TTC3: variants seen among roughly 807,000 people sequenced by gnomAD.
TTC3 encodes tetratricopeptide repeat domain 3, also known as E3 ubiquitin-protein ligase TTC3.
A neutral mutation model predicts 249.6 loss-of-function variants in TTC3; 180 were observed. That is an observed-to-expected ratio of 0.72 (90% CI 0.64 to 0.82). The LOEUF (loss-of-function observed/expected upper bound fraction) is 0.82. Ranked by LOEUF, TTC3 falls within the 40% of genes least tolerant of loss-of-function variation. The pLI is 0.00. For synonymous variants in TTC3, 717 were observed against 805.0 expected, an observed-to-expected ratio of 0.89 and a Z score of 1.85; for missense variants, 2,061 against 2,398.4, an observed-to-expected ratio of 0.86 and a Z score of 2.94.
intron 17 of TTC3, among the ~76,000 whole-genome samples, chr21:37,134,625 T>C (rs112244963): frequency 0.01 from 1,561 of 152,158 alleles, 15 homozygotes; most frequent in East Asian, 0.03. Context: ...TAGCAAGGAG[T>C]GAGGAGATTT....
At chr21:37,141,748 G>A (rs986456971) in intron 20 of TTC3, among the ~76,000 whole-genome samples, 4 of 152,036 alleles carry the variant, frequency 2.6e-5, no homozygotes, top group Non-Finnish European at 5.9e-5. Flanking sequence ...CAGCCTGGGC[G>A]ACAGAGTGAG....
Position 37,156,843 on chromosome 21 carries a change from G to T in TTC3, c.2929G>T (p.Glu977Ter), listed in dbSNP as rs1158515529. 1 of 1,613,930 alleles carries T rather than the reference G, an allele frequency of 6.2e-7. No homozygotes were observed. The highest frequency in any genetic ancestry group is 8.5e-7 in the Non-Finnish European group (1 of 1,180,010). Residue 977 changes from glutamate to a stop codon, truncating the protein, a stop_gained, in exon 28 of 46, where the codon GAA becomes TAA. Transcript: ENST00000355666. LOFTEE classifies it high-confidence loss of function. Reference sequence around the variant, plus strand: ...AGCCCGTTGTTTAATATGGCTGCTAGAAGAACACAGAGACAAGTTCCCAGC... The same window carrying T: ...AGCCCGTTGTTTAATATGGCTGCTATAAGAACACAGAGACAAGTTCCCAGC...
intron 10 of TTC3, among the ~76,000 whole-genome samples, chr21:37,101,594 T>A (rs1049627517): frequency 2.0e-5 from 3 of 152,226 alleles, no homozygotes; most frequent in Non-Finnish European, 4.4e-5. Flanking sequence ...ATCCTCTGAT[T>A]CATCTCTTCA....
intron 35 of TTC3, among the ~76,000 whole-genome samples, chr21:37,179,802 G>A (rs909082914): frequency 2.0e-5 from 3 of 152,120 alleles, no homozygotes; most frequent in African/African-American, 7.2e-5. Flanking sequence ...CCCCAGAAGG[G>A]TGGTTTTTAA....
rs139357434 is a variant in TTC3, at chr21:37,100,159, C to T, written c.845+3516C>T. On this transcript the variant is annotated intron_variant, in intron 10 of 45. Transcript: ENST00000355666. The stretch of plus-strand genomic sequence containing the variant: ...GATTGGAGTTGGGAGGGGTGGTACA[C>T]GGTGGGTGTCAACTGTAACAAACTA... Among the ~76,000 whole-genome samples, 952 of 152,114 alleles carry T rather than the reference C, an allele frequency of 6.3e-3. 6 individuals are homozygous for T. The highest frequency in any genetic ancestry group is 9.8e-3 in the Non-Finnish European group (664 of 67,998).
At chr21:37,182,567 C>G (rs150313547) in intron 35 of TTC3, among the ~76,000 whole-genome samples, 1 of 152,090 alleles carries the variant, frequency 6.6e-6, no homozygotes, top group Non-Finnish European at 1.5e-5. Context: ...GTACACGTAG[C>G]GGGTAGGATG....
intron 7 of TTC3, chr21:37,093,402 A>AC (rs1555852177): frequency 7.6e-6 from 1 of 132,254 alleles, no homozygotes; most frequent in Non-Finnish European, 1.6e-5. Flanking sequence ...AAAAAAAAAA[A>AC]GGAAATGCTC....
At chr21:37,124,736 T>C in exon 14 of TTC3, 1 of 1,613,170 alleles carries the variant, frequency 6.2e-7, no homozygotes, top group Non-Finnish European at 8.5e-7. Context: ...GTAATCAGAA[T>C]CTAAAGGTAA....
At chr21:37,155,724 G>A (rs751342908) in intron 27 of TTC3, among the ~76,000 whole-genome samples, 2 of 152,170 alleles carry the variant, frequency 1.3e-5, no homozygotes, top group African/African-American at 2.4e-5. Flanking sequence ...GGGCTTCACC[G>A]TCATTTCAGT....
intron 31 of TTC3, among the ~76,000 whole-genome samples, chr21:37,163,551 T>C (rs1459095691): frequency 6.6e-6 from 1 of 152,152 alleles, no homozygotes; most frequent in Non-Finnish European, 1.5e-5. Flanking sequence ...GGTTTTTCCA[T>C]GTTGATCAGG....
intron 44 of TTC3, 127 bp from the exon 45 acceptor site, chr21:37,200,105 G>C: frequency 1.5e-6 from 1 of 667,862 alleles, no homozygotes; most frequent in South Asian, 2.4e-5. Flanking sequence ...AGACTGTTTA[G>C]CTGTAATTGT....
intron 35 of TTC3, among the ~76,000 whole-genome samples, chr21:37,176,110 A>G (rs2082263315): frequency 1.3e-5 from 2 of 152,338 alleles, no homozygotes; most frequent in Admixed American, 1.3e-4. Flanking sequence ...TTTTAAAGCC[A>G]GAATCTCTTG....
intron 35 of TTC3, among the ~76,000 whole-genome samples, chr21:37,178,931 A>C (rs1033816697): frequency 6.6e-6 from 1 of 151,996 alleles, no homozygotes; most frequent in Admixed American, 6.6e-5. Context: ...ATTGCACCCC[A>C]GCCTGGGCAA....
rs139664343 is a variant in TTC3 at position 37,166,228 on chromosome 21, G to T, written c.4014G>T (p.Val1338=). ...AGACACCGCCAGCATACATAAACGTGTTACCAGGTTTGCCCCAGTACACCA... is the reference window on the plus strand; with the variant it reads ...AGACACCGCCAGCATACATAAACGTTTTACCAGGTTTGCCCCAGTACACCA... The change falls in exon 33 of 46, where the codon GTG becomes GTT. Residue 1338 remains valine (V), a synonymous_variant. Coordinates refer to ENST00000355666, the Ensembl canonical transcript of TTC3. 597 of 1,614,180 alleles carry T rather than the reference G, an allele frequency of 3.7e-4. 3 individuals carry two copies. The African/African-American group carries it at 5.7e-3, about 15-fold the overall frequency.
chr21:37,079,111 A>G (rs563650621), intron 1 of TTC3, among the ~76,000 whole-genome samples: 2 of 152,094 alleles, frequency 1.3e-5, no homozygotes, highest in Non-Finnish European at 2.9e-5. Flanking sequence ...CTTTCTTGAG[A>G]TAAACCCAAA....
chr21:37,082,290 C>G, intron 1 of TTC3: 1 of 156,414 alleles, frequency 6.4e-6, no homozygotes, highest in African/African-American at 2.4e-5. Flanking sequence ...TCAGACATTC[C>G]CAATGTCTGA....
chr21:37,124,533 GA>G, intron 13 of TTC3, 85 bp from the exon 14 acceptor site: 3 of 1,444,790 alleles, frequency 2.1e-6, no homozygotes, highest in Admixed American at 2.1e-5. Flanking sequence ...TGCTTTCAAG[GA>G]AAAAAGGCTG....
At chr21:37,101,075 A>G (rs903805189) in intron 10 of TTC3, 2 of 152,238 alleles carry the variant, frequency 1.3e-5, no homozygotes, top group Non-Finnish European at 2.9e-5. Flanking sequence ...GTAAGGGCAA[A>G]TGTTAATTGG....
rs547912674 is a variant in TTC3, at chr21:37,107,436, A to G, written c.846-956A>G. On this transcript the variant is annotated intron_variant, in intron 10 of 45. Coordinates refer to ENST00000355666, the Ensembl canonical transcript of TTC3. ...GGTGGCTGAGTTGGGCTAGAGGTGG[A>G]AGTCATTGAAGATAAGGAAGCCAGG... Among the ~76,000 whole-genome samples the G allele has an allele frequency of 7.9e-5, 12 of 152,244 alleles. No homozygotes were observed. In the East Asian group the frequency reaches 2.3e-3, roughly 29 times the overall value.
Sources: gnomAD v4.1 joint callset for allele counts (sites outside exome capture counted in the v4.1 genomes callset) on GRCh38, gnomAD v4.1.1 for gene constraint, MANE v1.5 for transcripts, NCBI Gene and HGNC (gene_info 2026-07-23, HGNC 2026-07-21) for gene names.